The following IL1RAPL1 variants were observed in gnomAD, a reference collection of about 807,000 sequenced individuals.
IL1RAPL1 encodes interleukin 1 receptor accessory protein like 1.
IL1RAPL1 carries 3 observed loss-of-function variants against 48.4 expected under a neutral mutation model. The ratio of observed to expected loss-of-function variants is 0.06; its 90% CI spans 0.03 to 0.16. IL1RAPL1 has a LOEUF of 0.16. Ranked by LOEUF, IL1RAPL1 falls within the 10% of genes least tolerant of loss-of-function variation. IL1RAPL1 has a pLI of 1.00. For synonymous variants in IL1RAPL1, 185 were observed against 187.7 expected (o/e 0.99, Z 0.12); for missense variants, 349 against 530.6 (o/e 0.66, Z 3.36).
intron 2 of IL1RAPL1, among the ~76,000 whole-genome samples, chrX:28,850,866 G>A (rs1386308123): frequency 4.4e-5 from 4 of 90,306 alleles, no homozygotes; most frequent in South Asian, 1.2e-3. Flanking sequence ...TGTTAAATAA[G>A]TCTGAATATT....
intron 1 of IL1RAPL1, among the ~76,000 whole-genome samples, chrX:28,722,989 G>T (rs1330776427): frequency 5.4e-5 from 6 of 111,539 alleles, no homozygotes; most frequent in Admixed American, 9.6e-5. Flanking sequence ...GCTGGATTCG[G>T]TTTGCCAGTA....
At chrX:29,449,738 TACACACACACACAC>T (rs539577442) in intron 5 of IL1RAPL1, among the ~76,000 whole-genome samples, 18 of 63,920 alleles carry the variant, frequency 2.8e-4, no homozygotes, top group South Asian at 1.3e-3. Context: ...TACATATGCA[TACACACACACACAC>T]ACACACACAC....
chrX:28,607,569 A>C (rs761013014), intron 1 of IL1RAPL1, among the ~76,000 whole-genome samples: 1 of 111,565 alleles, frequency 9.0e-6, no homozygotes, highest in South Asian at 3.8e-4. Flanking sequence ...AAAAGAGAAG[A>C]ATGGCAAACT....
At chrX:28,937,874 C>T (rs1418419804) in intron 2 of IL1RAPL1, among the ~76,000 whole-genome samples, 1 of 111,227 alleles carries the variant, frequency 9.0e-6, no homozygotes. Context: ...TATACACCAA[C>T]AGCCCAGCTG....
At chrX:29,219,569 A>C (rs780311847) in intron 2 of IL1RAPL1, among the ~76,000 whole-genome samples, 2 of 111,676 alleles carry the variant, frequency 1.8e-5, no homozygotes, top group East Asian at 5.7e-4. Flanking sequence ...CACTTGAATT[A>C]CATCCCTTCT....
At chrX:29,304,598 G>A (rs1932588938) in intron 3 of IL1RAPL1, among the ~76,000 whole-genome samples, 1 of 111,953 alleles carries the variant, frequency 8.9e-6, no homozygotes, top group African/African-American at 3.3e-5. Flanking sequence ...GGGGTGATGG[G>A]TAGGGATATA....
At chrX:29,597,085 T>C (rs1265285590) in intron 5 of IL1RAPL1, among the ~76,000 whole-genome samples, 9 of 111,160 alleles carry the variant, frequency 8.1e-5, no homozygotes, top group Non-Finnish European at 1.7e-4. Flanking sequence ...TGAAACCCAC[T>C]TGATAATGGT....
chrX:28,890,111 G>A (rs1490961969), intron 2 of IL1RAPL1, among the ~76,000 whole-genome samples: 1 of 111,397 alleles, frequency 9.0e-6, no homozygotes, highest in Non-Finnish European at 1.9e-5. Context: ...TGTCTTTAAA[G>A]GCCATGAAAT....
chrX:29,373,448 A>G (rs1166411625), intron 3 of IL1RAPL1, among the ~76,000 whole-genome samples: 3 of 111,814 alleles, frequency 2.7e-5, no homozygotes, highest in Non-Finnish European at 5.6e-5. Context: ...GACTTCTAGT[A>G]CTACATTGAA....
intron 1 of IL1RAPL1, among the ~76,000 whole-genome samples, chrX:28,721,416 C>G (rs1935577013): frequency 1.8e-5 from 2 of 111,651 alleles, no homozygotes; most frequent in South Asian, 7.5e-4. Flanking sequence ...CTGTTCATAT[C>G]CTTCGCCCAC....
At chrX:29,055,462 A>G (rs780428263) in intron 2 of IL1RAPL1, among the ~76,000 whole-genome samples, 1 of 111,801 alleles carries the variant, frequency 8.9e-6, no homozygotes, top group African/African-American at 3.2e-5. Context: ...CTAGTTATCA[A>G]TGTCAAATGC....
chrX:29,803,327 ATG>A (rs1453482565), intron 6 of IL1RAPL1, among the ~76,000 whole-genome samples: 1 of 54,631 alleles, frequency 1.8e-5, no homozygotes. Flanking sequence ...ATATGTATAC[ATG>A]TATACACATA....
intron 6 of IL1RAPL1, among the ~76,000 whole-genome samples, chrX:29,693,039 A>G (rs1222948265): frequency 8.9e-6 from 1 of 112,237 alleles, no homozygotes; most frequent in African/African-American, 3.2e-5. Flanking sequence ...TTTCAGCTGC[A>G]TGTTTATGGG....
chrX:29,814,284 G>A (rs1309475078), intron 6 of IL1RAPL1, among the ~76,000 whole-genome samples: 2 of 111,521 alleles, frequency 1.8e-5, no homozygotes, highest in East Asian at 2.8e-4. Flanking sequence ...AATCTGACTG[G>A]TGTGAAGTGG....
chrX:29,244,400 T>A (rs1395257232), intron 2 of IL1RAPL1, among the ~76,000 whole-genome samples: 1 of 112,550 alleles, frequency 8.9e-6, no homozygotes, highest in African/African-American at 3.2e-5. Context: ...TTGGCATTTT[T>A]AAATTCATTG....
At chrX:29,629,010 T>C (rs1255576068) in intron 5 of IL1RAPL1, among the ~76,000 whole-genome samples, 1 of 112,083 alleles carries the variant, frequency 8.9e-6, no homozygotes, top group Non-Finnish European at 1.9e-5. Context: ...AGTCCAGGAC[T>C]GAGAAAGCTA....
At chrX:29,027,911 A>T (rs2147406713) in intron 2 of IL1RAPL1, among the ~76,000 whole-genome samples, 1 of 107,312 alleles carries the variant, frequency 9.3e-6, no homozygotes, top group East Asian at 2.9e-4. Flanking sequence ...GTTGAGTTTT[A>T]AGATTTCTTT....
At chrX:29,698,169 T>A (rs1841161127) in intron 6 of IL1RAPL1, among the ~76,000 whole-genome samples, 1 of 107,747 alleles carries the variant, frequency 9.3e-6, no homozygotes, top group African/African-American at 3.4e-5. Context: ...TTCTGGAATG[T>A]TCTTTTTTTT....
intron 1 of IL1RAPL1, among the ~76,000 whole-genome samples, chrX:28,678,850 G>A (rs758967331): frequency 8.9e-5 from 10 of 112,449 alleles, no homozygotes; most frequent in East Asian, 2.8e-4. Context: ...GCAATTCAAT[G>A]TGTGTTTCCT....
Sources: allele counts gnomAD v4.1 joint callset (sites outside exome capture counted in the v4.1 genomes callset), GRCh38; gene constraint gnomAD v4.1.1; transcripts MANE v1.5; gene names NCBI Gene and HGNC (gene_info 2026-07-23, HGNC 2026-07-21).